Variants in IL1RAPL1 observed in about 807,000 individuals in gnomAD.
IL1RAPL1 encodes the protein interleukin-1 receptor accessory protein-like 1.
Under a neutral mutation model 48.4 loss-of-function variants are expected in IL1RAPL1, and 3 were observed. That is an observed-to-expected ratio of 0.06 (90% CI 0.03 to 0.16). The LOEUF (loss-of-function observed/expected upper bound fraction) is 0.16. Ranked by LOEUF, IL1RAPL1 falls within the 10% of genes least tolerant of loss-of-function variation. The pLI is 1.00. For missense variants in IL1RAPL1, 349 were observed against 530.6 expected, an observed-to-expected ratio of 0.66 and a Z score of 3.36; for synonymous variants, 185 against 187.7, an observed-to-expected ratio of 0.99 and a Z score of 0.12.
intron 6 of IL1RAPL1, among the ~76,000 whole-genome samples, chrX:29,810,520 C>T (rs1329070579): frequency 2.7e-5 from 3 of 111,797 alleles, no homozygotes; most frequent in Non-Finnish European, 5.6e-5. Context: ...TTTTCAGATT[C>T]ATTAGTGTTC....
At chrX:29,226,099 G>A (rs867151728) in intron 2 of IL1RAPL1, among the ~76,000 whole-genome samples, 43 of 111,873 alleles carry the variant, frequency 3.8e-4, no homozygotes, top group Middle Eastern at 4.7e-3. Context: ...GATGATTCAT[G>A]TTAACGCATT....
At chrX:29,747,542 A>G (rs921344587) in intron 6 of IL1RAPL1, among the ~76,000 whole-genome samples, 6 of 112,134 alleles carry the variant, frequency 5.4e-5, no homozygotes, top group African/African-American at 1.6e-4. Flanking sequence ...TAGGAAGACT[A>G]AAGTCACAGT....
At chrX:29,261,068 A>G (rs1931850290) in intron 2 of IL1RAPL1, among the ~76,000 whole-genome samples, 1 of 109,304 alleles carries the variant, frequency 9.1e-6, no homozygotes, top group African/African-American at 3.3e-5. Context: ...GCTTTTATAG[A>G]TATTATCTCC....
intron 3 of IL1RAPL1, among the ~76,000 whole-genome samples, chrX:29,380,183 T>C (rs1437834006): frequency 9.2e-6 from 1 of 108,652 alleles, no homozygotes; most frequent in Non-Finnish European, 1.9e-5. Flanking sequence ...GCTAATGGTG[T>C]GGGGAAACAG....
At chrX:29,006,132 G>A (rs1925971913) in intron 2 of IL1RAPL1, among the ~76,000 whole-genome samples, 1 of 111,239 alleles carries the variant, frequency 9.0e-6, no homozygotes, top group Non-Finnish European at 1.9e-5. Flanking sequence ...CCAGCTGGGT[G>A]TGGCCAGTGA....
At chrX:29,785,705 C>T (rs770088681) in intron 6 of IL1RAPL1, among the ~76,000 whole-genome samples, 25 of 111,700 alleles carry the variant, frequency 2.2e-4, no homozygotes, top group African/African-American at 7.5e-4. Flanking sequence ...AACCATACAA[C>T]GGAACACAAT....
chrX:29,362,626 T>C (rs781398127), intron 3 of IL1RAPL1, among the ~76,000 whole-genome samples: 2 of 111,880 alleles, frequency 1.8e-5, no homozygotes, highest in South Asian at 7.5e-4. Context: ...GGGTCTCCTG[T>C]AGGGGTGTTT....
chrX:29,565,181 A>G (rs1168773362), intron 5 of IL1RAPL1, among the ~76,000 whole-genome samples: 4 of 112,260 alleles, frequency 3.6e-5, no homozygotes, highest in Non-Finnish European at 5.6e-5. Context: ...TATCAAAATG[A>G]CAGCAAATTA....
chrX:29,089,764 ATATATATATATATATATATATATG>A (rs1928042911), intron 2 of IL1RAPL1, among the ~76,000 whole-genome samples: 4 of 76,091 alleles, frequency 5.3e-5, no homozygotes, highest in Non-Finnish European at 9.9e-5. Flanking sequence ...ATATATATAT[ATATATATATATATATATATATATG>A]TGCATACACA....
intron 1 of IL1RAPL1, among the ~76,000 whole-genome samples, chrX:28,722,352 A>T (rs1197530816): frequency 2.7e-5 from 3 of 111,175 alleles, no homozygotes; most frequent in Admixed American, 9.6e-5. Context: ...ATTCTCTTTG[A>T]AGCAATTGTG....
At chrX:29,486,062 C>T (rs1176882012) in intron 5 of IL1RAPL1, among the ~76,000 whole-genome samples, 1 of 111,310 alleles carries the variant, frequency 9.0e-6, no homozygotes, top group Non-Finnish European at 1.9e-5. Context: ...TTTTAACAAG[C>T]CCTGCAGGTG....
chrX:29,519,288 C>T (rs888814258), intron 5 of IL1RAPL1, among the ~76,000 whole-genome samples: 3 of 111,640 alleles, frequency 2.7e-5, no homozygotes, highest in African/African-American at 9.8e-5. Flanking sequence ...CAAATTTTCT[C>T]TTATATCATT....
intron 6 of IL1RAPL1, among the ~76,000 whole-genome samples, chrX:29,907,602 C>T (rs12856729): frequency 0.065 from 7,214 of 111,382 alleles, 261 homozygotes; most frequent in Admixed American, 0.17. Flanking sequence ...AAGAGTTGTA[C>T]CACTGCCTGC....
At chrX:28,762,769 C>G (rs1321337011) in intron 1 of IL1RAPL1, among the ~76,000 whole-genome samples, 1 of 100,645 alleles carries the variant, frequency 9.9e-6, no homozygotes, top group African/African-American at 3.7e-5. Context: ...TATATAAAAT[C>G]TAATACGCAC....
At chrX:29,591,651 G>A (rs149893354) in intron 5 of IL1RAPL1, among the ~76,000 whole-genome samples, 7 of 112,382 alleles carry the variant, frequency 6.2e-5, no homozygotes, top group African/African-American at 9.7e-5. Context: ...AGCAGTCACC[G>A]GAGAACCAGG....
chrX:29,319,498 C>T (rs1160939329), intron 3 of IL1RAPL1, among the ~76,000 whole-genome samples: 2 of 102,070 alleles, frequency 2.0e-5, no homozygotes, highest in Non-Finnish European at 4.0e-5. Context: ...GTCACCATGC[C>T]TGGACACATG....
intron 2 of IL1RAPL1, among the ~76,000 whole-genome samples, chrX:28,887,079 A>G (rs1922650721): frequency 8.9e-6 from 1 of 111,987 alleles, no homozygotes; most frequent in South Asian, 3.7e-4. Context: ...CCAAGGTTTT[A>G]CTATGGCTCG....
intron 3 of IL1RAPL1, among the ~76,000 whole-genome samples, chrX:29,343,892 T>G (rs775206255): frequency 3.5e-4 from 39 of 111,153 alleles, no homozygotes; most frequent in Non-Finnish European, 4.9e-4. Context: ...CTCACACACA[T>G]ACACACACAC....
intron 3 of IL1RAPL1, among the ~76,000 whole-genome samples, chrX:29,301,775 C>T (rs73460481): frequency 0.077 from 8,490 of 110,525 alleles, 825 homozygotes; most frequent in African/African-American, 0.27. Context: ...TATCACTGTA[C>T]GGCAAATGCT....
Sources: gnomAD v4.1 joint callset for allele counts (sites outside exome capture counted in the v4.1 genomes callset) on GRCh38, gnomAD v4.1.1 for gene constraint, MANE v1.5 for transcripts, NCBI Gene and HGNC (gene_info 2026-07-23, HGNC 2026-07-21) for gene names.